Variants in NCKAP5 observed in about 807,000 individuals in gnomAD.
NCKAP5 encodes the protein nck-associated protein 5.
A neutral mutation model predicts 167.0 loss-of-function variants in NCKAP5; 92 were observed. That is an observed-to-expected ratio of 0.55 (90% CI 0.47 to 0.66). The LOEUF is 0.66. Ranked by LOEUF, NCKAP5 falls within the 30% of genes least tolerant of loss-of-function variation. NCKAP5 has a pLI of 0.00. For missense variants in NCKAP5, 2,378 were observed against 2,315.0 expected, an observed-to-expected ratio of 1.03 and a Z score of -0.56; for synonymous variants, 891 against 877.4, an observed-to-expected ratio of 1.02 and a Z score of -0.27.
intron 6 of NCKAP5, among the ~76,000 whole-genome samples, chr2:133,032,798 G>T (rs1214173897): frequency 6.6e-6 from 1 of 152,242 alleles, no homozygotes; most frequent in South Asian, 2.1e-4. Flanking sequence ...AGCATGGTTG[G>T]GGAGGCCTCA....
chr2:133,008,755 A>G (rs2078056078), intron 6 of NCKAP5, among the ~76,000 whole-genome samples: 1 of 152,234 alleles, frequency 6.6e-6, no homozygotes, highest in Non-Finnish European at 1.5e-5. Flanking sequence ...AAAAAAGTCA[A>G]TTTAAAAGGC....
Position 132,922,253 on chromosome 2 carries a change from A to G in NCKAP5, c.579+41467T>C, listed in dbSNP as rs779807301. Among the ~76,000 whole-genome samples the G allele has an allele frequency of 1.4e-4, 21 of 152,166 alleles. 1 individual carries two copies. The highest frequency in any genetic ancestry group is 9.8e-4 in the Admixed American group (15 of 15,278). On this transcript the variant is annotated intron_variant, in intron 8 of 19. Coordinates refer to ENST00000409261, the MANE Select transcript of NCKAP5 (RefSeq NM_207363.3). ...TAGGAGGAGGGAATCATACATGTAAAAGCTCAGAGACCAAGAAACTTTGAC... is the reference window on the plus strand; with the variant it reads ...TAGGAGGAGGGAATCATACATGTAAGAGCTCAGAGACCAAGAAACTTTGAC...
rs1184304273 is a variant in NCKAP5, at chr2:132,888,293, ATAT to A, written c.580-9380_580-9378del. On this transcript the variant is annotated intron_variant, in intron 8 of 19. Transcript: ENST00000409261. ...ATATATACTGATGTATCTTTTAAAA[ATAT>A]TATAGACAAATGAGAAATTAAACCA... Among the ~76,000 whole-genome samples, 7 of 152,360 alleles carry A rather than the reference ATAT, an allele frequency of 4.6e-5. 1 individual carries two copies. The highest frequency in any genetic ancestry group is 1.4e-4 in the African/African-American group (6 of 41,598).
chr2:133,045,075 A>G (rs1227417145), intron 6 of NCKAP5, among the ~76,000 whole-genome samples: 1 of 151,880 alleles, frequency 6.6e-6, no homozygotes, highest in East Asian at 1.9e-4. Context: ...AAAAAGAAAG[A>G]AAAGAAAAAA....
intron 5 of NCKAP5, among the ~76,000 whole-genome samples, chr2:133,140,310 T>C (rs966486887): frequency 6.6e-6 from 1 of 152,194 alleles, no homozygotes; most frequent in Non-Finnish European, 1.5e-5. Flanking sequence ...CTTCCAGTTC[T>C]GTACCCTGAA....
At chr2:133,206,821 G>T (rs1331047686) in intron 5 of NCKAP5, among the ~76,000 whole-genome samples, 1 of 152,136 alleles carries the variant, frequency 6.6e-6, no homozygotes, top group Non-Finnish European at 1.5e-5. Flanking sequence ...GGTAAGGAAT[G>T]CATTCCTGGG....
At chr2:133,346,654 G>A (rs1218005384) in intron 3 of NCKAP5, among the ~76,000 whole-genome samples, 1 of 152,218 alleles carries the variant, frequency 6.6e-6, no homozygotes, top group Non-Finnish European at 1.5e-5. Flanking sequence ...GCCCACGCAA[G>A]GAGCACTGGG....
intron 3 of NCKAP5, among the ~76,000 whole-genome samples, chr2:133,365,331 G>C (rs1685385348): frequency 6.6e-6 from 1 of 152,172 alleles, no homozygotes; most frequent in Non-Finnish European, 1.5e-5. Context: ...TTGTCTGATA[G>C]AAATGAACTT....
At chr2:133,548,393 C>T (rs1380657080) in intron 2 of NCKAP5, among the ~76,000 whole-genome samples, 9 of 151,382 alleles carry the variant, frequency 5.9e-5, no homozygotes, top group Non-Finnish European at 1.3e-4. Context: ...CAAAGATACT[C>T]CTCGAGAAGA....
intron 5 of NCKAP5, among the ~76,000 whole-genome samples, chr2:133,194,990 G>C (rs190796360): frequency 6.6e-6 from 1 of 151,832 alleles, no homozygotes; most frequent in Admixed American, 6.6e-5. Flanking sequence ...ATTACATGTC[G>C]GATGAATCAC....
chr2:133,453,528 T>C (rs72846369), intron 3 of NCKAP5, among the ~76,000 whole-genome samples: 1,913 of 151,826 alleles, frequency 0.013, 31 homozygotes, highest in South Asian at 0.02. Flanking sequence ...CTATTTATAA[T>C]GGCAAAAAAA....
chr2:132,699,347 T>C (rs1439853901), intron 19 of NCKAP5, among the ~76,000 whole-genome samples: 1 of 152,204 alleles, frequency 6.6e-6, no homozygotes, highest in Non-Finnish European at 1.5e-5. Context: ...TTTTAAATTA[T>C]ATTTTAAGTT....
At chr2:133,189,281 G>A (rs1365581532) in intron 5 of NCKAP5, among the ~76,000 whole-genome samples, 1 of 151,782 alleles carries the variant, frequency 6.6e-6, no homozygotes, top group African/African-American at 2.4e-5. Context: ...CTGAAATTGA[G>A]GCAATAATTA....
At chr2:133,240,551 T>G (rs1244088093) in intron 4 of NCKAP5, among the ~76,000 whole-genome samples, 1 of 152,230 alleles carries the variant, frequency 6.6e-6, no homozygotes, top group East Asian at 1.9e-4. Flanking sequence ...TTGGGGATGC[T>G]TATTCAGTGA....
At chr2:133,516,232 T>A (rs1253517458) in intron 3 of NCKAP5, among the ~76,000 whole-genome samples, 1 of 151,928 alleles carries the variant, frequency 6.6e-6, no homozygotes, top group Non-Finnish European at 1.5e-5. Flanking sequence ...TCCCCAGAAG[T>A]TGAAAAGGGA....
intron 3 of NCKAP5, among the ~76,000 whole-genome samples, chr2:133,334,460 C>T (rs1428756234): frequency 6.6e-6 from 1 of 151,962 alleles, no homozygotes; most frequent in Non-Finnish European, 1.5e-5. Context: ...GATATTATCA[C>T]CCAGATTTTA....
intron 3 of NCKAP5, among the ~76,000 whole-genome samples, chr2:133,402,831 A>G (rs1321956939): frequency 2.6e-5 from 4 of 151,932 alleles, no homozygotes; most frequent in Non-Finnish European, 5.9e-5. Flanking sequence ...GCCAAAATAA[A>G]CCTCTTTTAT....
the NCKAP5 span, among the ~76,000 whole-genome samples, chr2:133,603,207 T>G: frequency 8.2e-4 from 114 of 139,486 alleles, 1 homozygote; most frequent in Admixed American, 1.8e-3. Flanking sequence ...ATGGCATCGG[T>G]TTTTTTTTTT....
chr2:132,878,310 A>G (rs75330067), intron 9 of NCKAP5, among the ~76,000 whole-genome samples: 9 of 151,864 alleles, frequency 5.9e-5, no homozygotes, highest in African/African-American at 9.7e-5. Flanking sequence ...TTCTGCTCCA[A>G]TTTTCTTCCT....
Sources: gnomAD v4.1 joint callset for allele counts (sites outside exome capture counted in the v4.1 genomes callset) on GRCh38, gnomAD v4.1.1 for gene constraint, MANE v1.5 for transcripts, NCBI Gene and HGNC (gene_info 2026-07-23, HGNC 2026-07-21) for gene names.